Variants in SLC26A5 observed in about 807,000 individuals in gnomAD.
SLC26A5 encodes prestin.
Under a neutral mutation model 81.0 loss-of-function variants are expected in SLC26A5, and 51 were observed. The observed-to-expected ratio is 0.63, with a 90% CI of 0.50 to 0.80. SLC26A5 has a LOEUF of 0.80. SLC26A5 is among the 30% of genes least tolerant of loss of function. SLC26A5 has a pLI of 0.00. For synonymous variants in SLC26A5, 325 were observed against 332.8 expected (o/e 0.98, Z 0.25); for missense variants, 771 against 905.8 (o/e 0.85, Z 1.91).
At chr7:103,411,390 A>G (rs1824474002) in intron 6 of SLC26A5, 30 bp downstream of exon 6, 1 of 1,613,376 alleles carries the variant, frequency 6.2e-7, no homozygotes, top group Non-Finnish European at 8.5e-7. Flanking sequence ...AACAAACGAG[A>G]CAGTCCATTT....
At chr7:103,370,413 C>A (rs1433300550), downstream of SLC26A5, among the ~76,000 whole-genome samples, 2 of 145,962 alleles carry the variant, frequency 1.4e-5, no homozygotes, top group Non-Finnish European at 3.0e-5. Flanking sequence ...CACAAAAACA[C>A]ACCCACCCAC....
At chr7:103,401,165 T>C (rs540917077) in intron 8 of SLC26A5, among the ~76,000 whole-genome samples, 15 of 152,346 alleles carry the variant, frequency 9.8e-5, no homozygotes, top group Non-Finnish European at 1.3e-4. Context: ...TTGGGCAGTA[T>C]GACCATTTTC....
intron 8 of SLC26A5, among the ~76,000 whole-genome samples, chr7:103,402,983 A>AT (rs1823731579): frequency 6.6e-6 from 1 of 151,652 alleles, no homozygotes. Flanking sequence ...TTGATTTTAG[A>AT]TTTTCCCACT....
intron 19 of SLC26A5, among the ~76,000 whole-genome samples, chr7:103,357,886 C>A (rs909865163): frequency 2.6e-5 from 4 of 152,128 alleles, no homozygotes; most frequent in South Asian, 2.1e-4. Context: ...CTCAGTTATA[C>A]CTTAGTTGCA....
chr7:103,411,024 G>C (rs1368160261), intron 6 of SLC26A5, among the ~76,000 whole-genome samples: 1 of 152,104 alleles, frequency 6.6e-6, no homozygotes, highest in Non-Finnish European at 1.5e-5. Flanking sequence ...GGAAGGTCTG[G>C]AGTGGCTTGG....
intron 19 of SLC26A5, among the ~76,000 whole-genome samples, chr7:103,375,727 C>T (rs912438873): frequency 6.6e-6 from 1 of 151,924 alleles, no homozygotes; most frequent in African/African-American, 2.4e-5. Flanking sequence ...AGCCACCACA[C>T]CCAGCCTCAG....
At chr7:103,402,368 C>G (rs1823667168) in intron 8 of SLC26A5, among the ~76,000 whole-genome samples, 1 of 148,498 alleles carries the variant, frequency 6.7e-6, no homozygotes. Flanking sequence ...ATAGTATTCT[C>G]TGATGGTAGT....
At chr7:103,399,249 G>C (rs1007720141) in intron 8 of SLC26A5, among the ~76,000 whole-genome samples, 18 of 152,176 alleles carry the variant, frequency 1.2e-4, no homozygotes, top group Admixed American at 4.6e-4. Context: ...ACCCAAAGCA[G>C]GAGAGGCAAG....
chr7:103,410,464 A>C lies in SLC26A5; in HGVS notation c.656T>G (p.Val219Gly). 6.2e-7 allele frequency: 1 copy of C among 1,614,100 alleles called. No individual in the cohort carries two copies. Among genetic ancestry groups the C allele is most frequent in the Non-Finnish European group, 8.5e-7 (1 of 1,179,974 alleles). Reference protein sequence around the residue: ...LVRGFTTAAAVHVFTSMLKYL... With the variant: ...LVRGFTTAAAGHVFTSMLKYL... ...TTTTAACATGGAGGTGAAGACATGCACAGCTGCTGCGGTGGTAAACCCACG... is the reference window on the plus strand; with the variant it reads ...TTTTAACATGGAGGTGAAGACATGCCCAGCTGCTGCGGTGGTAAACCCACG... Residue 219 changes from valine to glycine, a missense_variant, in exon 7 of 20, where the codon GTG becomes GGG. By Grantham distance (109) the Val-to-Gly change is moderately radical. Transcript: ENST00000306312.
chr7:103,369,726 CAT>C (rs746394733), downstream of SLC26A5, among the ~76,000 whole-genome samples: 2 of 150,266 alleles, frequency 1.3e-5, no homozygotes, highest in Non-Finnish European at 3.0e-5. Flanking sequence ...TGTAGATGCA[CAT>C]ATATATATAT....
At chr7:103,385,388 C>T (rs1381111693) in intron 14 of SLC26A5, among the ~76,000 whole-genome samples, 1 of 152,108 alleles carries the variant, frequency 6.6e-6, no homozygotes, top group Non-Finnish European at 1.5e-5. Flanking sequence ...CCTGCTTTGG[C>T]CTCCCAAAGT....
intron 2 of SLC26A5, among the ~76,000 whole-genome samples, chr7:103,430,509 G>A (rs1301749207): frequency 6.6e-6 from 1 of 152,170 alleles, no homozygotes; most frequent in Non-Finnish European, 1.5e-5. Context: ...TCAAGTCCTG[G>A]TTCTGCCACC....
chr7:103,414,641 AC>A (rs1443402804), intron 4 of SLC26A5, among the ~76,000 whole-genome samples: 3 of 152,174 alleles, frequency 2.0e-5, no homozygotes, highest in African/African-American at 4.8e-5. Flanking sequence ...GTTTGGATGT[AC>A]CACAGTTTAT....
rs769598539 is a variant in SLC26A5, at chr7:103,407,879, G to A, written c.860C>T (p.Pro287Leu). Residue 287 changes from proline to leucine, a missense_variant, in exon 8 of 20, where the codon CCG becomes CTG. By Grantham distance (98) the Pro-to-Leu change is moderately conservative. Coordinates refer to ENST00000306312, the MANE Select transcript of SLC26A5 (RefSeq NM_198999.3). ...EFNERFKEKL[P>L]APIPLEFFAV... ...AAAGAACTCTAAAGGAATAGGCGCC[G>A]GCAATTTCTCTTTAAATCTCTCATT... 1.2e-5 allele frequency: 20 copies of A among 1,613,964 alleles called. No individual in the cohort carries two copies. The Admixed American group carries it at 1.3e-4, about 11-fold the overall frequency.
At chr7:103,438,706 A>G (rs755327822) in intron 2 of SLC26A5, among the ~76,000 whole-genome samples, 1 of 152,168 alleles carries the variant, frequency 6.6e-6, no homozygotes, top group Non-Finnish European at 1.5e-5. Flanking sequence ...ATATGGTTTA[A>G]TGAGTTTACT....
At chr7:103,411,991 C>T (rs532645350) in intron 5 of SLC26A5, among the ~76,000 whole-genome samples, 1 of 152,168 alleles carries the variant, frequency 6.6e-6, no homozygotes, top group Non-Finnish European at 1.5e-5. Flanking sequence ...CCTAAGTCAC[C>T]ATGTGTAAGA....
At chr7:103,433,492 T>C (rs926397719) in intron 2 of SLC26A5, 1 of 152,112 alleles carries the variant, frequency 6.6e-6, no homozygotes, top group Non-Finnish European at 1.5e-5. Context: ...AGTGGGAATG[T>C]AGAAGGAACA....
intron 7 of SLC26A5, among the ~76,000 whole-genome samples, chr7:103,408,899 C>G (rs925525291): frequency 4.6e-5 from 7 of 152,164 alleles, no homozygotes; most frequent in South Asian, 2.1e-4. Flanking sequence ...CCTTTCCTAT[C>G]GATGCCTAGA....
At chr7:103,392,328 G>A (rs1350337812) in intron 10 of SLC26A5, among the ~76,000 whole-genome samples, 3 of 152,194 alleles carry the variant, frequency 2.0e-5, no homozygotes, top group African/African-American at 4.8e-5. Context: ...CGTTATAAAA[G>A]TAGGTGACAA....
Sources: gnomAD v4.1 joint callset for allele counts (sites outside exome capture counted in the v4.1 genomes callset) on GRCh38, gnomAD v4.1.1 for gene constraint, MANE v1.5 for transcripts, NCBI Gene and HGNC (gene_info 2026-07-23, HGNC 2026-07-21) for gene names.